Variants in GABRA3 observed in about 807,000 individuals in gnomAD.
GABRA3 encodes the protein gamma-aminobutyric acid receptor subunit alpha-3.
In GABRA3, 10 loss-of-function variants were observed where a neutral mutation model predicts 30.1. That is an observed-to-expected ratio of 0.33 (90% CI 0.20 to 0.56). The LOEUF (loss-of-function observed/expected upper bound fraction) is 0.56, where lower values mean the gene tolerates loss of function less well. Among genes scored for constraint, GABRA3 ranks in the 20% least tolerant of loss-of-function variants. The pLI, the probability that GABRA3 is intolerant of heterozygous loss-of-function variation, is 0.89. For synonymous variants in GABRA3, 151 were observed against 146.8 expected (o/e 1.03, Z -0.21); for missense variants, 233 against 392.0 (o/e 0.59, Z 3.42).
chrX:152,231,136 GAA>G (rs1480668858), intron 5 of GABRA3, among the ~76,000 whole-genome samples: 1 of 92,157 alleles, frequency 1.1e-5, no homozygotes, highest in African/African-American at 4.6e-5. Flanking sequence ...ACAAAAATGA[GAA>G]GTGTATATAT....
intron 5 of GABRA3, among the ~76,000 whole-genome samples, chrX:152,240,995 C>T (rs1938351678): frequency 9.4e-6 from 1 of 106,562 alleles, no homozygotes; most frequent in African/African-American, 3.4e-5. Context: ...TCTCTCAGCT[C>T]GTCAAAGTCA....
chrX:152,233,136 G>A (rs186796549), intron 5 of GABRA3, among the ~76,000 whole-genome samples: 537 of 107,669 alleles, frequency 5.0e-3, no homozygotes, highest in African/African-American at 0.017. Context: ...GAAAAATGTC[G>A]GTTCATGATG....
chrX:152,365,554 G>A (rs1928633490), intron 1 of GABRA3, among the ~76,000 whole-genome samples: 1 of 111,594 alleles, frequency 9.0e-6, no homozygotes, highest in Non-Finnish European at 1.9e-5. Context: ...CTTTGATTAT[G>A]AGACACTGAG....
intron 4 of GABRA3, among the ~76,000 whole-genome samples, chrX:152,270,964 C>CTTT (rs143686229): frequency 9.2e-5 from 9 of 97,561 alleles, no homozygotes; most frequent in South Asian, 4.8e-4. Flanking sequence ...CTAGAGACTT[C>CTTT]TTTTTTTTTT....
rs772236620 is a variant in GABRA3 at position 152,396,121 on chromosome X, G to T, written c.-26-31525C>A. On this transcript the variant is annotated intron_variant, in intron 1 of 9. Coordinates refer to ENST00000370314, the MANE Select transcript of GABRA3 (RefSeq NM_000808.4). ...GGGTCAGCCCTAAATCCAATCACTG[G>T]TGTCTTTATAAGAAGGGGGAAATTT... 4.5e-5 allele frequency among the ~76,000 whole-genome samples: 5 copies of T among 111,474 alleles called. No homozygotes were observed. In the East Asian group the frequency reaches 1.4e-3, roughly 32 times the overall value.
In GABRA3 at chrX:152,199,703, G is replaced by C. The variant is rs1178595299; in HGVS notation, c.779-1918C>G. On this transcript the variant is annotated intron_variant, in intron 7 of 9. Coordinates refer to ENST00000370314, the MANE Select transcript of GABRA3 (RefSeq NM_000808.4). ...CTTAACATGAAAAATCAAGATTTTG[G>C]TTTTCACTCTCCCCATCCCCAACAC... is the stretch of plus-strand genomic sequence containing the variant. 4.5e-5 allele frequency among the ~76,000 whole-genome samples: 5 copies of C among 110,121 alleles called. No individual in the cohort carries two copies. In the Admixed American group the frequency reaches 4.8e-4, roughly 11 times the overall value.
At chrX:152,225,130 A>ACCC (rs80164841) in intron 5 of GABRA3, among the ~76,000 whole-genome samples, 3 of 105,849 alleles carry the variant, frequency 2.8e-5, no homozygotes, top group Non-Finnish European at 3.9e-5. Flanking sequence ...TTCCTTAGAC[A>ACCC]CCCCCCCCAA....
chrX:152,366,318 A>G (rs769945006), intron 1 of GABRA3, among the ~76,000 whole-genome samples: 88 of 112,158 alleles, frequency 7.8e-4, no homozygotes, highest in Non-Finnish European at 1.3e-3. Flanking sequence ...AGTTCAAATC[A>G]TAGAAATAAT....
chrX:152,272,720 C>T (rs1938968545), intron 4 of GABRA3, among the ~76,000 whole-genome samples: 1 of 111,488 alleles, frequency 9.0e-6, no homozygotes. Flanking sequence ...CCATAATCCC[C>T]ACGTGTGGTG....
At chrX:152,290,181 C>A (rs1329985004) in intron 3 of GABRA3, among the ~76,000 whole-genome samples, 1 of 111,383 alleles carries the variant, frequency 9.0e-6, no homozygotes, top group East Asian at 2.9e-4. Context: ...AGTATCTGTT[C>A]TTTCCTTTTT....
chrX:152,248,924 A>G (rs1938506276), intron 5 of GABRA3, among the ~76,000 whole-genome samples: 1 of 112,049 alleles, frequency 8.9e-6, no homozygotes, highest in East Asian at 2.8e-4. Context: ...ATCATGTTGT[A>G]CACAGTAAAT....
chrX:152,423,095 A>C (rs1206616273), intron 1 of GABRA3, among the ~76,000 whole-genome samples: 1 of 112,102 alleles, frequency 8.9e-6, no homozygotes, highest in African/African-American at 3.2e-5. Flanking sequence ...TATTTCATCT[A>C]ATAATGAACA....
intron 5 of GABRA3, among the ~76,000 whole-genome samples, chrX:152,231,141 GTA>G (rs79879261): frequency 8.2e-4 from 84 of 102,233 alleles, no homozygotes; most frequent in African/African-American, 2.3e-3. Flanking sequence ...AATGAGAAGT[GTA>G]TATATATATA....
At chrX:152,251,910 T>C (rs949776170) in intron 5 of GABRA3, among the ~76,000 whole-genome samples, 6 of 110,792 alleles carry the variant, frequency 5.4e-5, no homozygotes, top group Non-Finnish European at 1.1e-4. Context: ...TCATGCAATG[T>C]GAGAAGAGGT....
At chrX:152,231,218 T>C (rs72614782) in intron 5 of GABRA3, among the ~76,000 whole-genome samples, 6,108 of 107,373 alleles carry the variant, frequency 0.057, 418 homozygotes, top group East Asian at 0.33. Flanking sequence ...TATATATACA[T>C]ACACGTATAT....
Position 152,414,115 on chromosome X carries a change from T to A in GABRA3, c.-27+37031A>T, listed in dbSNP as rs1446615158. Among the ~76,000 whole-genome samples the A allele has an allele frequency of 1.3e-4, 14 of 111,790 alleles. No homozygotes were observed. In the Admixed American group the frequency reaches 1.3e-3, roughly 11 times the overall value. On this transcript the variant is annotated intron_variant, in intron 1 of 9. Coordinates refer to ENST00000370314, the MANE Select transcript of GABRA3 (RefSeq NM_000808.4). ...GCACCTACCATAAGACGTATCAATG[T>A]CATTCTTGGACATTCATCCCAAAGA...
intron 3 of GABRA3, among the ~76,000 whole-genome samples, chrX:152,298,873 C>T (rs956203875): frequency 6.2e-5 from 7 of 112,021 alleles, no homozygotes; most frequent in African/African-American, 2.3e-4. Flanking sequence ...TCTCCACATC[C>T]TCTCCAGCAC....
chrX:152,240,354 T>G (rs201471447), intron 5 of GABRA3, among the ~76,000 whole-genome samples: 6 of 90,094 alleles, frequency 6.7e-5, no homozygotes, highest in South Asian at 5.0e-4. Context: ...GGGTTTCTGC[T>G]GAGAGATCCG....
intron 1 of GABRA3, among the ~76,000 whole-genome samples, chrX:152,404,784 G>C (rs1419519272): frequency 9.9e-6 from 1 of 101,104 alleles, no homozygotes; most frequent in African/African-American, 3.6e-5. Context: ...ATTATTATTG[G>C]TTCTCAGTGT....
Sources: allele counts gnomAD v4.1 joint callset (sites outside exome capture counted in the v4.1 genomes callset), GRCh38; gene constraint gnomAD v4.1.1; transcripts MANE v1.5; gene names NCBI Gene and HGNC (gene_info 2026-07-23, HGNC 2026-07-21).